The following KCNN2 variants were observed in gnomAD, a reference collection of about 807,000 sequenced individuals.
KCNN2 encodes potassium calcium-activated channel subfamily N member 2, also known as small conductance calcium-activated potassium channel protein 2.
KCNN2 carries 24 observed loss-of-function variants against 55.5 expected under a neutral mutation model. That is an observed-to-expected ratio of 0.43 (90% CI 0.31 to 0.61). The LOEUF is 0.61. KCNN2 is among the 20% of genes least tolerant of loss of function. KCNN2 has a pLI of 0.08. For synonymous variants in KCNN2, 431 were observed against 336.1 expected (o/e 1.28, Z -3.09); for missense variants, 754 against 853.6 (o/e 0.88, Z 1.45).
intron 1 of KCNN2, among the ~76,000 whole-genome samples, chr5:114,077,936 T>C (rs1430685545): frequency 2.0e-5 from 3 of 152,194 alleles, no homozygotes; most frequent in African/African-American, 4.8e-5. Flanking sequence ...ACAAATGTAT[T>C]TGTCTTAGGT....
At position 114,344,395 on chromosome 5, in the gene KCNN2, C is replaced by T. The variant is rs536331273; in HGVS notation, c.-184-16550C>T. Among the ~76,000 whole-genome samples the T allele has an allele frequency of 1.6e-4, 24 of 152,186 alleles. No homozygotes were observed. The South Asian group carries it at 3.3e-3, about 21-fold the overall frequency. The stretch of plus-strand genomic sequence containing the variant: ...TGTAGGGTAAGGTCTGGGAGGGCTG[C>T]AAGTGTAAAGCTTCTATGTCCTCTG... On this transcript the variant is annotated intron_variant, in intron 2 of 10. Coordinates refer to the KCNN2 transcript ENST00000512097.
intron 3 of KCNN2, among the ~76,000 whole-genome samples, chr5:114,449,509 G>A (rs1411588497): frequency 6.6e-6 from 1 of 152,138 alleles, no homozygotes; most frequent in Non-Finnish European, 1.5e-5. Flanking sequence ...TTATCTCCGT[G>A]CTCACAGCCA....
chr5:114,079,839 G>T (rs560847250), intron 1 of KCNN2, among the ~76,000 whole-genome samples: 12 of 145,068 alleles, frequency 8.3e-5, no homozygotes, highest in Non-Finnish European at 1.5e-4. Flanking sequence ...GTGTGTGTGT[G>T]TGTGTGAGAG....
At chr5:114,370,905 G>A (rs199694479) in intron 2 of KCNN2, among the ~76,000 whole-genome samples, 2 of 152,276 alleles carry the variant, frequency 1.3e-5, no homozygotes, top group East Asian at 3.9e-4. Context: ...GTTTAAGCAG[G>A]CCTTGTTTTG....
intron 1 of KCNN2, among the ~76,000 whole-genome samples, chr5:114,165,057 G>T (rs1752880534): frequency 6.6e-6 from 1 of 152,168 alleles, no homozygotes; most frequent in Non-Finnish European, 1.5e-5. Context: ...AAGTGTTAAA[G>T]GTCGGATACA....
In KCNN2 at chr5:114,220,479, G is replaced by A. The variant is rs549250509; in HGVS notation, c.-270-1001G>A. Among the ~76,000 whole-genome samples, 5 of 151,916 alleles carry A rather than the reference G, an allele frequency of 3.3e-5. No homozygotes were observed. In the South Asian group the frequency reaches 1.0e-3, roughly 32 times the overall value. ...TATCCAAAGAAATACAAATACTAAA[G>A]CAGTTTTTCAAAAACTATTTGTAAA... On this transcript the variant is annotated intron_variant, in intron 1 of 10. Coordinates refer to the KCNN2 transcript ENST00000512097.
At chr5:114,137,071 T>C (rs1303856672) in intron 1 of KCNN2, among the ~76,000 whole-genome samples, 1 of 152,150 alleles carries the variant, frequency 6.6e-6, no homozygotes, top group Non-Finnish European at 1.5e-5. Context: ...CTAAAATATC[T>C]AGTATAGTGC....
chr5:114,469,109 C>T (rs184566269), intron 4 of KCNN2, among the ~76,000 whole-genome samples: 1 of 152,200 alleles, frequency 6.6e-6, no homozygotes, highest in Admixed American at 6.6e-5. Flanking sequence ...AGACTATCCA[C>T]GTGTTGGGAT....
At chr5:114,131,408 C>G (rs2112612205) in intron 1 of KCNN2, among the ~76,000 whole-genome samples, 1 of 152,268 alleles carries the variant, frequency 6.6e-6, no homozygotes, top group Admixed American at 6.5e-5. Context: ...TGTTAATTTG[C>G]TGAGGATAAT....
At chr5:114,267,988 C>T (rs1315152281) in intron 2 of KCNN2, among the ~76,000 whole-genome samples, 2 of 152,034 alleles carry the variant, frequency 1.3e-5, no homozygotes, top group Non-Finnish European at 2.9e-5. Flanking sequence ...CAGGGAGCTC[C>T]CTCCCTGGCC....
At chr5:114,226,049 A>G (rs1449052905) in intron 2 of KCNN2, among the ~76,000 whole-genome samples, 1 of 152,230 alleles carries the variant, frequency 6.6e-6, no homozygotes, top group African/African-American at 2.4e-5. Context: ...CACAGAAGAA[A>G]CAGTGAGTCA....
intron 2 of KCNN2, among the ~76,000 whole-genome samples, chr5:114,232,922 C>CTCGTTTTTT (rs200715120): frequency 2.0e-4 from 9 of 44,028 alleles, no homozygotes; most frequent in East Asian, 7.8e-4. Flanking sequence ...TATATTGTTT[C>CTCGTTTTTT]TTGTTTTTTT....
chr5:114,444,643 A>T (rs753376907), intron 3 of KCNN2, among the ~76,000 whole-genome samples: 130 of 152,102 alleles, frequency 8.5e-4, no homozygotes, highest in Non-Finnish European at 1.6e-3. Flanking sequence ...AACTTGTGTG[A>T]TTTGATTTCA....
At chr5:114,134,210 G>A (rs1277970431) in intron 1 of KCNN2, among the ~76,000 whole-genome samples, 3 of 151,120 alleles carry the variant, frequency 2.0e-5, no homozygotes, top group African/African-American at 7.3e-5. Context: ...TCTCTCCTAG[G>A]AAGGATTTTT....
chr5:114,494,334 G>T (rs896186322), intron 7 of KCNN2, among the ~76,000 whole-genome samples: 1 of 150,248 alleles, frequency 6.7e-6, no homozygotes, highest in South Asian at 2.1e-4. Flanking sequence ...ACAAGTATTT[G>T]TCCTAGTCTC....
At chr5:114,363,356 C>T in intron 1 of KCNN2, 95 bp downstream of exon 1, 7 of 1,392,810 alleles carry the variant, frequency 5.0e-6, no homozygotes, top group Admixed American at 5.6e-5. Flanking sequence ...GATCCCTAGC[C>T]TCTCCGGGAC....
At chr5:114,401,612 G>T (rs931313040) in intron 2 of KCNN2, among the ~76,000 whole-genome samples, 4 of 152,194 alleles carry the variant, frequency 2.6e-5, no homozygotes, top group Non-Finnish European at 5.9e-5. Context: ...CACATATGAG[G>T]ATCATGGTGG....
At position 114,119,600 on chromosome 5, in the gene KCNN2, C is replaced by G. The variant is rs114132953; in HGVS notation, c.-271+63100C>G. Among the ~76,000 whole-genome samples the G allele has an allele frequency of 3.9e-5, 6 of 152,264 alleles. No homozygotes were observed. The South Asian group carries it at 6.2e-4, about 16-fold the overall frequency. On this transcript the variant is annotated intron_variant, in intron 1 of 10. Transcript: ENST00000512097. ...TTCTCTCCTCTATACCCTGAACATT[C>G]TAATTCCTCCCATTGGAAGCATCCC... is the stretch of plus-strand genomic sequence containing the variant.
chr5:114,495,830 T>G, intron 7 of KCNN2, 65 bp from the exon 8 acceptor site: 10 of 1,488,688 alleles, frequency 6.7e-6, no homozygotes, highest in Non-Finnish European at 9.2e-6. Flanking sequence ...GCTAAACCTC[T>G]GAGAGGTGGA....
Sources: gnomAD v4.1 joint callset for allele counts (sites outside exome capture counted in the v4.1 genomes callset) on GRCh38, gnomAD v4.1.1 for gene constraint, MANE v1.5 for transcripts, NCBI Gene and HGNC (gene_info 2026-07-23, HGNC 2026-07-21) for gene names.